Variants in ARHGAP26 observed in about 807,000 individuals in gnomAD.
The protein encoded by ARHGAP26 is rho GTPase-activating protein 26.
Under a neutral mutation model 104.8 loss-of-function variants are expected in ARHGAP26, and 38 were observed. The observed-to-expected ratio is 0.36, with a 90% confidence interval of 0.28 to 0.48. ARHGAP26 has a LOEUF of 0.48. Ranked by LOEUF, ARHGAP26 falls within the 20% of genes least tolerant of loss-of-function variation. The pLI, the probability that ARHGAP26 is intolerant of heterozygous loss-of-function variation, is 0.99. For synonymous variants in ARHGAP26, 341 were observed against 340.0 expected (o/e 1.00, Z -0.03); for missense variants, 704 against 947.9 (o/e 0.74, Z 3.38).
chr5:142,893,845 A>T (rs939933139), intron 5 of ARHGAP26, among the ~76,000 whole-genome samples: 1 of 151,608 alleles, frequency 6.6e-6, no homozygotes, highest in African/African-American at 2.4e-5. Context: ...AGTGATGTTG[A>T]ACGTTTTTTA....
chr5:143,061,680 T>C (rs1786729166), intron 17 of ARHGAP26, among the ~76,000 whole-genome samples: 1 of 152,188 alleles, frequency 6.6e-6, no homozygotes, highest in Admixed American at 6.5e-5. Context: ...TAAGGAGATC[T>C]GTTGTGTCAT....
intron 19 of ARHGAP26, among the ~76,000 whole-genome samples, chr5:143,135,861 T>G (rs1225310907): frequency 6.6e-6 from 1 of 152,220 alleles, no homozygotes; most frequent in Non-Finnish European, 1.5e-5. Context: ...TGTGTTCCTT[T>G]TAAATATCTG....
chr5:142,829,362 T>C (rs543359650), intron 1 of ARHGAP26, among the ~76,000 whole-genome samples: 62 of 152,336 alleles, frequency 4.1e-4, no homozygotes, highest in Admixed American at 8.5e-4. Flanking sequence ...TTTGAAACTT[T>C]TGTCAATAGG....
At chr5:143,216,578 A>G in intron 22 of ARHGAP26, 1 of 310,550 alleles carries the variant, frequency 3.2e-6, no homozygotes, top group African/African-American at 2.2e-5. Flanking sequence ...TCCCACATAC[A>G]ACATGGTCGT....
intron 17 of ARHGAP26, among the ~76,000 whole-genome samples, chr5:143,087,882 C>T (rs1790832818): frequency 6.6e-6 from 1 of 151,962 alleles, no homozygotes; most frequent in African/African-American, 2.4e-5. Context: ...CTCCTGACCT[C>T]AGGTGATACA....
chr5:143,160,526 C>T (rs1262897011), intron 20 of ARHGAP26, among the ~76,000 whole-genome samples: 1 of 149,746 alleles, frequency 6.7e-6, no homozygotes, highest in Non-Finnish European at 1.5e-5. Flanking sequence ...CACTCTGTTT[C>T]CCAGGCTGAG....
intron 12 of ARHGAP26, among the ~76,000 whole-genome samples, chr5:143,031,410 G>T (rs1219856255): frequency 6.6e-6 from 1 of 152,164 alleles, no homozygotes; most frequent in African/African-American, 2.4e-5. Flanking sequence ...ATTGAGGTAG[G>T]GACCAGGATG....
chr5:142,776,477 A>T (rs1253121536), intron 1 of ARHGAP26, among the ~76,000 whole-genome samples: 1 of 152,250 alleles, frequency 6.6e-6, no homozygotes, highest in East Asian at 1.9e-4. Context: ...TGAAAAATTA[A>T]GCTAAATGGA....
intron 12 of ARHGAP26, among the ~76,000 whole-genome samples, chr5:143,022,992 A>T (rs1172073138): frequency 6.6e-6 from 1 of 152,208 alleles, no homozygotes; most frequent in East Asian, 1.9e-4. Context: ...ATTCCTTCTT[A>T]GTGCACCACC....
intron 17 of ARHGAP26, among the ~76,000 whole-genome samples, chr5:143,099,989 A>T (rs1792980504): frequency 6.6e-6 from 1 of 152,236 alleles, no homozygotes. Flanking sequence ...AAGTAGATGC[A>T]AGACTGAGCA....
Position 143,120,959 on chromosome 5 carries a change from T to G in ARHGAP26, c.1539-29T>G, listed in dbSNP as rs767896778. The G allele has an allele frequency of 6.2e-6, 10 of 1,604,030 alleles. No individual in the cohort carries two copies. In the Admixed American group the frequency reaches 1.0e-4, roughly 16 times the overall value. ...ATCTCTGTGTACACGATTTGTCTCA[T>G]TGGTACCTTTTCTTTTCCTTCCTCC... On this transcript the variant is annotated intron_variant, in intron 17 of 22. Transcript: ENST00000645722.
intron 18 of ARHGAP26, 99 bp downstream of exon 18, chr5:143,121,246 C>G (rs563973488): frequency 4.2e-6 from 5 of 1,199,658 alleles, no homozygotes; most frequent in African/African-American, 1.5e-5. Context: ...TTGCTAATCA[C>G]TCTTACACTG....
At chr5:143,016,702 C>CA (rs5871833) in intron 12 of ARHGAP26, among the ~76,000 whole-genome samples, 15,161 of 126,332 alleles carry the variant, frequency 0.12, 2,016 homozygotes, top group African/African-American at 0.33. Flanking sequence ...GACTCTGTCT[C>CA]AAAAAAAAAA....
At chr5:143,156,313 T>C (rs1449324127) in intron 20 of ARHGAP26, among the ~76,000 whole-genome samples, 1 of 152,202 alleles carries the variant, frequency 6.6e-6, no homozygotes, top group Non-Finnish European at 1.5e-5. Flanking sequence ...TAGAATCTTG[T>C]TTTTAACTCC....
At chr5:142,824,463 G>A (rs1766818204) in intron 1 of ARHGAP26, among the ~76,000 whole-genome samples, 1 of 152,198 alleles carries the variant, frequency 6.6e-6, no homozygotes, top group Non-Finnish European at 1.5e-5. Context: ...AGGCAAGGCT[G>A]CAGCCCTAGC....
At chr5:143,132,579 T>C (rs530222792) in intron 18 of ARHGAP26, among the ~76,000 whole-genome samples, 1 of 152,090 alleles carries the variant, frequency 6.6e-6, no homozygotes, top group African/African-American at 2.4e-5. Context: ...TTAGATGAAA[T>C]TATATGATAC....
chr5:143,072,371 C>A (rs1307729373), intron 17 of ARHGAP26, among the ~76,000 whole-genome samples: 1 of 152,114 alleles, frequency 6.6e-6, no homozygotes, highest in African/African-American at 2.4e-5. Flanking sequence ...ACTGAAAATA[C>A]AACAACATGA....
At chr5:142,882,240 TG>T (rs979175142) in intron 4 of ARHGAP26, among the ~76,000 whole-genome samples, 4 of 152,142 alleles carry the variant, frequency 2.6e-5, no homozygotes, top group African/African-American at 9.7e-5. Context: ...ATCTCTAAAA[TG>T]GGGGTAATAA....
At chr5:142,939,507 C>A (rs1345601911) in intron 11 of ARHGAP26, among the ~76,000 whole-genome samples, 1 of 152,194 alleles carries the variant, frequency 6.6e-6, no homozygotes, top group East Asian at 1.9e-4. Flanking sequence ...CGAGCTCTAA[C>A]CCCCTAGTCC....
Sources: allele counts gnomAD v4.1 joint callset (sites outside exome capture counted in the v4.1 genomes callset), GRCh38; gene constraint gnomAD v4.1.1; transcripts MANE v1.5; gene names NCBI Gene and HGNC (gene_info 2026-07-23, HGNC 2026-07-21).